CATSPERD: variants seen among roughly 807,000 people sequenced by gnomAD.
CATSPERD encodes the protein catsper channel auxiliary subunit delta.
Under a neutral mutation model 98.1 loss-of-function variants are expected in CATSPERD, and 86 were observed. The observed-to-expected ratio is 0.88, with a 90% CI of 0.74 to 1.05. The LOEUF (loss-of-function observed/expected upper bound fraction) is 1.05, where lower values mean the gene tolerates loss of function less well. Ranked by LOEUF, CATSPERD falls within the 50% of genes least tolerant of loss-of-function variation. The pLI is 0.00. For synonymous variants in CATSPERD, 394 were observed against 390.2 expected (o/e 1.01, Z -0.12); for missense variants, 995 against 1,005.7 (o/e 0.99, Z 0.14).
chr19:5,772,214 ATTTTTT>A (rs35847357), intron 19 of CATSPERD: 223 of 154,266 alleles, frequency 1.4e-3, no homozygotes, highest in African/African-American at 6.1e-3. Flanking sequence ...TGCCCGGTTA[ATTTTTT>A]TTTTTTTTTT....
At chr19:5,756,334 T>C (rs1021823618) in intron 13 of CATSPERD, among the ~76,000 whole-genome samples, 2 of 151,674 alleles carry the variant, frequency 1.3e-5, no homozygotes, top group African/African-American at 4.8e-5. Context: ...TAAAAGTAGG[T>C]AAATTATTGC....
Position 5,757,929 on chromosome 19 carries a change from A to G in CATSPERD, c.1365A>G (p.Lys455=). Residue 455 remains lysine, a synonymous_variant, in exon 14 of 22, where the codon AAA becomes AAG. Coordinates refer to ENST00000381624, the MANE Select transcript of CATSPERD (RefSeq NM_152784.4). ...GYTSDGNTKY[K]LDIFLKQQQH... ...CATCAGATGGGAACACCAAGTACAAACTGGTGAGCCGCGTCCCCACCAAAC... is the reference window on the plus strand; with the variant it reads ...CATCAGATGGGAACACCAAGTACAAGCTGGTGAGCCGCGTCCCCACCAAAC... 1 of 1,610,612 alleles carries G rather than the reference A, an allele frequency of 6.2e-7. No homozygotes were observed. The highest frequency in any genetic ancestry group is 8.5e-7 in the Non-Finnish European group (1 of 1,178,618).
chr19:5,744,210 C>T (rs1280956781), intron 7 of CATSPERD, among the ~76,000 whole-genome samples: 1 of 152,030 alleles, frequency 6.6e-6, no homozygotes, highest in Non-Finnish European at 1.5e-5. Flanking sequence ...GAACTGCTGA[C>T]CTCAGGTGAT....
In CATSPERD at chr19:5,772,857, C is replaced by T. The variant is rs769108282; in HGVS notation, c.1833C>T (p.Phe611=). The change falls in exon 20 of 22, where the codon TTC becomes TTT. Residue 611 remains phenylalanine (F), a synonymous_variant. Transcript: ENST00000381624. ...TGTTACTGGAGGTGAACGGGCAGTT[C>T]TCATACTCCTATTCCCTGACGGCCC... is the stretch of plus-strand genomic sequence containing the variant. ...EYVLLEVNGQ[F]SYSYSLTAQS... is the part of the protein sequence containing the mutation. 2 of 1,614,096 alleles carry T rather than the reference C, an allele frequency of 1.2e-6. No homozygotes were observed. Among genetic ancestry groups the T allele is most frequent in the Non-Finnish European group, 1.7e-6 (2 of 1,180,014 alleles).
intron 12 of CATSPERD, 139 bp downstream of exon 12, chr19:5,751,962 A>G (rs1483147342): frequency 2.5e-6 from 2 of 803,256 alleles, no homozygotes; most frequent in Non-Finnish European, 3.7e-6. Context: ...CAGGAGTTCA[A>G]GACCAGCCTG....
intron 16 of CATSPERD, among the ~76,000 whole-genome samples, chr19:5,763,699 G>A (rs2145833858): frequency 6.6e-6 from 1 of 152,034 alleles, no homozygotes; most frequent in East Asian, 1.9e-4. Flanking sequence ...TGGCCAGGCT[G>A]GTCTTGAACT....
intron 1 of CATSPERD, among the ~76,000 whole-genome samples, chr19:5,723,290 A>G (rs932480147): frequency 6.6e-6 from 1 of 151,382 alleles, no homozygotes; most frequent in Non-Finnish European, 1.5e-5. Flanking sequence ...GTTTCATACA[A>G]ATTTTATTTT....
At position 5,747,845 on chromosome 19, in the gene CATSPERD, C is replaced by T. The variant is rs565796646; in HGVS notation, c.809-315C>T. On this transcript the variant is annotated intron_variant, in intron 9 of 21. Coordinates refer to ENST00000381624, the MANE Select transcript of CATSPERD (RefSeq NM_152784.4). ...CAGCCTGATCTCGAACTCCTGACTT[C>T]AAGCGATCTGCCCACCTCAGCCTCC... Among the ~76,000 whole-genome samples, 4 of 152,238 alleles carry T rather than the reference C, an allele frequency of 2.6e-5. No homozygotes were observed. In the South Asian group the frequency reaches 8.3e-4, roughly 32 times the overall value.
rs528617749 is a variant in CATSPERD at position 5,741,792 on chromosome 19, G to C, written c.573+2353G>C. Among the ~76,000 whole-genome samples, 6 of 96,170 alleles carry C rather than the reference G, an allele frequency of 6.2e-5. 2 individuals are homozygous for C. Among genetic ancestry groups the C allele is most frequent in the Admixed American group, 3.9e-4 (4 of 10,214 alleles). The allele number at this position is 96,170 out of a possible 152,430, so 63.1% of individuals were successfully genotyped here. A position where few individuals can be genotyped will look rare whatever the true frequency, so the allele number is the denominator to read the frequency against. On this transcript the variant is annotated intron_variant, in intron 7 of 21. Coordinates refer to ENST00000381624, the MANE Select transcript of CATSPERD (RefSeq NM_152784.4). Reference sequence around the variant, plus strand: ...ACTTTGGGATGCTGAAGGCGGGGGGGGGGGGGTGGTGTGGATCACTTGAGG... The same window carrying C: ...ACTTTGGGATGCTGAAGGCGGGGGGCGGGGGGTGGTGTGGATCACTTGAGG...
At chr19:5,721,271 G>A (rs1478547167) in intron 1 of CATSPERD, among the ~76,000 whole-genome samples, 1 of 152,026 alleles carries the variant, frequency 6.6e-6, no homozygotes, top group African/African-American at 2.4e-5. Flanking sequence ...CAAAGTGCTG[G>A]GATTACAGGC....
At chr19:5,734,018 G>T in intron 5 of CATSPERD, 48 bp downstream of exon 5, 1 of 1,098,314 alleles carries the variant, frequency 9.1e-7, no homozygotes, top group Non-Finnish European at 1.4e-6. Flanking sequence ...TAGTCAACAT[G>T]AGAGAAGAGG....
intron 1 of CATSPERD, among the ~76,000 whole-genome samples, 191 bp downstream of exon 1, chr19:5,720,999 CTTT>C (rs754682545): frequency 3.6e-5 from 5 of 138,720 alleles, no homozygotes; most frequent in Non-Finnish European, 3.1e-5. Context: ...TCTCCTACCT[CTTT>C]TTTTTTTTTT....
intron 7 of CATSPERD, among the ~76,000 whole-genome samples, chr19:5,740,281 C>G (rs1441041463): frequency 1.4e-5 from 2 of 148,066 alleles, no homozygotes; most frequent in Non-Finnish European, 3.0e-5. Flanking sequence ...AACAGTGTCT[C>G]AAAAAAATAA....
chr19:5,741,420 G>A (rs1374382370), intron 7 of CATSPERD, among the ~76,000 whole-genome samples: 2 of 152,114 alleles, frequency 1.3e-5, no homozygotes, highest in Non-Finnish European at 2.9e-5. Flanking sequence ...GGTGAAGGCT[G>A]CAATCTGCTC....
intron 17 of CATSPERD, 59 bp downstream of exon 17, chr19:5,766,214 G>A: frequency 6.8e-7 from 1 of 1,466,150 alleles, no homozygotes; most frequent in Non-Finnish European, 9.4e-7. Context: ...ACTTTGGGAG[G>A]CCGAGGTGGG....
intron 3 of CATSPERD, among the ~76,000 whole-genome samples, chr19:5,728,702 TCTC>T (rs1223416300): frequency 1.5e-5 from 2 of 134,224 alleles, no homozygotes; most frequent in Non-Finnish European, 3.3e-5. Flanking sequence ...TCTCTCTCTC[TCTC>T]TTTTTTTTTT....
intron 20 of CATSPERD, among the ~76,000 whole-genome samples, chr19:5,774,280 T>G (rs1411508180): frequency 6.6e-6 from 1 of 152,052 alleles, no homozygotes; most frequent in Non-Finnish European, 1.5e-5. Flanking sequence ...CTGTTGGTAT[T>G]TCTATATGCA....
chr19:5,723,867 C>T (rs886607728), intron 1 of CATSPERD, among the ~76,000 whole-genome samples: 3 of 150,642 alleles, frequency 2.0e-5, no homozygotes, highest in Admixed American at 2.0e-4. Context: ...ACCTCCGCCT[C>T]CCGGGTTCAA....
At position 5,772,829 on chromosome 19, in the gene CATSPERD, ATG is replaced by A; in HGVS notation, c.1809_1810del (p.Leu604ThrfsTer104). 1.2e-6 allele frequency: 2 copies of A among 1,613,960 alleles called. No homozygotes were observed. The highest frequency in any genetic ancestry group is 1.7e-6 in the Non-Finnish European group (2 of 1,179,934). On this transcript the variant is annotated frameshift_variant, in exon 20 of 22. Coordinates refer to ENST00000381624, the MANE Select transcript of CATSPERD (RefSeq NM_152784.4). LOFTEE classifies it high-confidence loss of function. ...TTCCAGGAGGTCATCGACGCCGAGTATGTGTTACTGGAGGTGAACGGGCAGTT... is the reference window on the plus strand; with the variant it reads ...TTCCAGGAGGTCATCGACGCCGAGTATGTTACTGGAGGTGAACGGGCAGTT...
Sources: allele counts gnomAD v4.1 joint callset (sites outside exome capture counted in the v4.1 genomes callset), GRCh38; gene constraint gnomAD v4.1.1; transcripts MANE v1.5; gene names NCBI Gene and HGNC (gene_info 2026-07-23, HGNC 2026-07-21).